The following ZNF385D variants were observed in gnomAD, a reference collection of about 807,000 sequenced individuals.
The protein encoded by ZNF385D is zinc finger protein 659.
ZNF385D carries 15 observed loss-of-function variants against 35.8 expected under a neutral mutation model. The ratio of observed to expected loss-of-function variants is 0.42; its 90% confidence interval spans 0.28 to 0.64. The LOEUF is 0.64. ZNF385D is among the 30% of genes least tolerant of loss of function. The probability of loss-of-function intolerance (pLI) is 0.23; values close to 1 mark genes in which losing one functional copy is unlikely to be tolerated. For synonymous variants in ZNF385D, 212 were observed against 186.8 expected (o/e 1.13, Z -1.10); for missense variants, 474 against 494.6 (o/e 0.96, Z 0.39).
rs142004523 is a variant in ZNF385D at position 21,437,202 on chromosome 3, G to T, written c.441C>A (p.Asp147Glu). The T allele has an allele frequency of 6.2e-7, 1 of 1,609,336 alleles. No homozygotes were observed. Among genetic ancestry groups the T allele is most frequent in the Admixed American group, 1.7e-5 (1 of 59,122 alleles). Reference protein sequence around the residue: ...NTINTSSDKTDGTAGTPAIST... With the variant: ...NTINTSSDKTEGTAGTPAIST... ...ATATTGCTGGTGTCCCTGCAGTACCGTCTGTATTCAAAATAACACAGAAAA... is the reference window on the plus strand; with the variant it reads ...ATATTGCTGGTGTCCCTGCAGTACCTTCTGTATTCAAAATAACACAGAAAA... The change falls in exon 5 of 8, where the codon GAC (aspartate) becomes GAA (glutamate). Residue 147 changes from aspartate (D) to glutamate (E), a missense_variant and splice_region_variant. Transcript: ENST00000281523.
chr3:22,336,908 T>TTAAAAAAAAAAAAAAA (rs1559527421), intron 2 of ZNF385D, among the ~76,000 whole-genome samples: 1 of 1,054 alleles, frequency 9.5e-4, no homozygotes. Flanking sequence ...CAGTGATTTT[T>TTAAAAAAAAAAAAAAA]CAAAAAAAAA....
At chr3:21,472,767 T>G (rs769683188) in intron 4 of ZNF385D, among the ~76,000 whole-genome samples, 1 of 152,124 alleles carries the variant, frequency 6.6e-6, no homozygotes, top group Non-Finnish European at 1.5e-5. Context: ...CCTGTCTAAA[T>G]AAGGCAAATG....
chr3:21,992,489 T>G (rs1401791628), intron 3 of ZNF385D, among the ~76,000 whole-genome samples: 1 of 152,198 alleles, frequency 6.6e-6, no homozygotes, highest in African/African-American at 2.4e-5. Flanking sequence ...ATTCAACTCT[T>G]CCCGTGGTGC....
intron 3 of ZNF385D, among the ~76,000 whole-genome samples, chr3:21,850,364 G>A (rs1274180239): frequency 2.0e-5 from 3 of 152,068 alleles, no homozygotes. Flanking sequence ...ACAGCTTTGT[G>A]CTTGTCAGTA....
intron 3 of ZNF385D, among the ~76,000 whole-genome samples, chr3:21,840,397 C>T (rs895002962): frequency 1.3e-5 from 2 of 151,996 alleles, no homozygotes; most frequent in Admixed American, 6.6e-5. Context: ...GGGATATAAC[C>T]GTTCTTTTAA....
At chr3:21,716,739 A>T (rs757594189) in intron 1 of ZNF385D, among the ~76,000 whole-genome samples, 1 of 152,122 alleles carries the variant, frequency 6.6e-6, no homozygotes, top group Non-Finnish European at 1.5e-5. Context: ...ATCTTGTTAT[A>T]TCTCCACTAA....
intron 3 of ZNF385D, among the ~76,000 whole-genome samples, chr3:22,086,765 G>T (rs1701067456): frequency 6.6e-6 from 1 of 152,264 alleles, no homozygotes; most frequent in East Asian, 1.9e-4. Context: ...AAAAATGGAT[G>T]AGTTCATGTC....
intron 2 of ZNF385D, among the ~76,000 whole-genome samples, chr3:22,300,231 T>C (rs1032678357): frequency 1.1e-4 from 17 of 151,948 alleles, no homozygotes; most frequent in East Asian, 1.9e-4. Flanking sequence ...ATAAATGTTG[T>C]TGAGAAAACT....
chr3:21,535,500 T>C (rs2062016060), intron 3 of ZNF385D, among the ~76,000 whole-genome samples: 1 of 152,150 alleles, frequency 6.6e-6, no homozygotes, highest in African/African-American at 2.4e-5. Context: ...TGTACATCTC[T>C]ATCTGCTCCT....
chr3:21,839,594 T>A (rs1482126769), intron 3 of ZNF385D, among the ~76,000 whole-genome samples: 3 of 152,088 alleles, frequency 2.0e-5, no homozygotes, highest in Non-Finnish European at 1.5e-5. Context: ...GCCGACAATT[T>A]CAGTTGCTTA....
At chr3:22,322,978 G>A (rs1015777355) in intron 2 of ZNF385D, among the ~76,000 whole-genome samples, 7 of 151,910 alleles carry the variant, frequency 4.6e-5, no homozygotes, top group Non-Finnish European at 1.0e-4. Flanking sequence ...GTTCTGTTTT[G>A]TCTCTTTGGG....
chr3:21,684,777 T>A (rs1190469289), intron 1 of ZNF385D, among the ~76,000 whole-genome samples: 5 of 152,156 alleles, frequency 3.3e-5, no homozygotes, highest in Non-Finnish European at 7.4e-5. Context: ...CCATTTTTAT[T>A]CTGAACATAT....
intron 2 of ZNF385D, among the ~76,000 whole-genome samples, chr3:22,234,218 A>G (rs144762978): frequency 7.1e-4 from 108 of 152,238 alleles, no homozygotes; most frequent in African/African-American, 2.4e-3. Context: ...CCTTATCAGA[A>G]AAGCTCCTTT....
chr3:21,739,674 G>A (rs1353056191), intron 1 of ZNF385D, among the ~76,000 whole-genome samples: 1 of 152,126 alleles, frequency 6.6e-6, no homozygotes, highest in Admixed American at 6.5e-5. Context: ...TCATAACAAG[G>A]GCAGGAGATG....
At chr3:22,099,440 T>C (rs944390158) in intron 3 of ZNF385D, among the ~76,000 whole-genome samples, 5 of 152,092 alleles carry the variant, frequency 3.3e-5, no homozygotes, top group African/African-American at 9.6e-5. Flanking sequence ...CAGCGGTCAA[T>C]TGCATTAAGC....
In ZNF385D at chr3:21,477,251, T is replaced by A. The variant is rs1029830740; in HGVS notation, c.439+33610A>T. ...TGTCTAAACTAAAACAAAACAAAAC[T>A]AAACAAAACAAACAAAACAAACAAA... On this transcript the variant is annotated intron_variant, in intron 4 of 7. Transcript: ENST00000281523. Among the ~76,000 whole-genome samples the A allele has an allele frequency of 2.6e-5, 4 of 151,950 alleles. 1 individual carries two copies. Among genetic ancestry groups the A allele is most frequent in the Admixed American group, 6.6e-5 (1 of 15,224 alleles).
intron 1 of ZNF385D, among the ~76,000 whole-genome samples, chr3:21,677,829 T>C (rs1021092795): frequency 6.6e-6 from 1 of 152,030 alleles, no homozygotes; most frequent in African/African-American, 2.4e-5. Flanking sequence ...TTGTGGAAAC[T>C]GGGGAATCTA....
chr3:21,682,667 G>A lies in ZNF385D; in HGVS notation c.23-17639C>T, dbSNP rs78074057. On this transcript the variant is annotated intron_variant, in intron 1 of 7. Transcript: ENST00000281523. ...TGGAAGCTGTACAAAATTAGAGCAA[G>A]TTAGAACTGGATGAAACCTTAGCAA... Among the ~76,000 whole-genome samples, 1,275 of 150,138 alleles carry A rather than the reference G, an allele frequency of 8.5e-3. 70 individuals are homozygous for A. Among genetic ancestry groups the A allele is most frequent in the Middle Eastern group, 0.02 (6 of 294 alleles).
At position 21,414,585 on chromosome 3, in the gene ZNF385D, G is replaced by A. The variant is rs1056660968; in HGVS notation, c.*6629C>T. 4.6e-5 allele frequency: 7 copies of A among 152,010 alleles called. No individual in the cohort carries two copies. The highest frequency in any genetic ancestry group is 8.8e-5 in the Non-Finnish European group (6 of 67,980). The allele number at this position is 152,010 out of a possible 1,614,324, so 9.4% of individuals were successfully genotyped here. On this transcript the variant is annotated 3_prime_UTR_variant, in exon 8 of 8. Transcript: ENST00000281523. Reference sequence around the variant, plus strand: ...AAATGACTTGCTTTTACTAAATTCAGCTTTTTTAAAAGCACATTTCTGTAA... The same window carrying A: ...AAATGACTTGCTTTTACTAAATTCAACTTTTTTAAAAGCACATTTCTGTAA...
Sources: allele counts gnomAD v4.1 joint callset (sites outside exome capture counted in the v4.1 genomes callset), GRCh38; gene constraint gnomAD v4.1.1; transcripts MANE v1.5; gene names NCBI Gene and HGNC (gene_info 2026-07-23, HGNC 2026-07-21).